The following FSTL5 variants were observed in gnomAD, a reference collection of about 807,000 sequenced individuals.
FSTL5 encodes the protein follistatin-related protein 5.
FSTL5 carries 62 observed loss-of-function variants against 89.1 expected under a neutral mutation model. The ratio of observed to expected loss-of-function variants is 0.70; its 90% CI spans 0.57 to 0.86. The LOEUF (loss-of-function observed/expected upper bound fraction) is 0.86, where lower values mean the gene tolerates loss of function less well. Ranked by LOEUF, FSTL5 falls within the 40% of genes least tolerant of loss-of-function variation. FSTL5 has a pLI of 0.00. For missense variants in FSTL5, 1,057 were observed against 1,001.6 expected (o/e 1.06, Z -0.75); for synonymous variants, 383 against 346.2 (o/e 1.11, Z -1.18).
At chr4:161,549,058 T>C (rs1183211383) in intron 8 of FSTL5, among the ~76,000 whole-genome samples, 2 of 151,764 alleles carry the variant, frequency 1.3e-5, no homozygotes, top group Non-Finnish European at 2.9e-5. Context: ...GAGAATAATA[T>C]TGTTTTTATG....
intron 7 of FSTL5, among the ~76,000 whole-genome samples, chr4:161,640,435 T>C (rs1388603533): frequency 6.6e-6 from 1 of 152,102 alleles, no homozygotes; most frequent in Non-Finnish European, 1.5e-5. Flanking sequence ...AAGAAAAGCA[T>C]GTATAAACAA....
rs955525711 is a variant in FSTL5, at chr4:161,896,401, C to T, written c.409+24003G>A. On this transcript the variant is annotated intron_variant, in intron 4 of 15. Coordinates refer to ENST00000306100, the MANE Select transcript of FSTL5 (RefSeq NM_020116.5). The stretch of plus-strand genomic sequence containing the variant: ...GGTCATACTTTCCTTAATTTACCTA[C>T]ATCAATGTATTAATACTTTAGATGA... Among the ~76,000 whole-genome samples the T allele has an allele frequency of 4.2e-4, 64 of 152,126 alleles. 1 individual carries two copies. The highest frequency in any genetic ancestry group is 5.9e-5 in the Non-Finnish European group (4 of 68,006).
At chr4:161,735,201 A>C (rs1209101699) in intron 6 of FSTL5, among the ~76,000 whole-genome samples, 1 of 152,186 alleles carries the variant, frequency 6.6e-6, no homozygotes, top group African/African-American at 2.4e-5. Context: ...AGTTTATTAT[A>C]GAGGATATTA....
At chr4:161,640,439 T>A (rs1560764456) in intron 7 of FSTL5, among the ~76,000 whole-genome samples, 1 of 152,024 alleles carries the variant, frequency 6.6e-6, no homozygotes, top group Non-Finnish European at 1.5e-5. Context: ...AAAGCATGTA[T>A]AAACAAGCAT....
intron 3 of FSTL5, among the ~76,000 whole-genome samples, chr4:161,975,610 G>C (rs1407319468): frequency 6.6e-6 from 1 of 151,154 alleles, no homozygotes; most frequent in Non-Finnish European, 1.5e-5. Context: ...TGGTGGGGTG[G>C]GGGGAGTGGG....
intron 6 of FSTL5, among the ~76,000 whole-genome samples, chr4:161,681,356 CT>C (rs1464035264): frequency 6.6e-6 from 1 of 152,020 alleles, no homozygotes; most frequent in East Asian, 1.9e-4. Context: ...AACAGCATAA[CT>C]AGCATTTTGT....
intron 4 of FSTL5, among the ~76,000 whole-genome samples, chr4:161,807,872 T>C (rs761439879): frequency 2.0e-5 from 3 of 152,076 alleles, no homozygotes; most frequent in Non-Finnish European, 4.4e-5. Flanking sequence ...AAAATAGTGT[T>C]TGAAGTCCTA....
At chr4:161,540,844 A>G (rs12512822) in intron 9 of FSTL5, among the ~76,000 whole-genome samples, 14,467 of 152,150 alleles carry the variant, frequency 0.095, 950 homozygotes, top group East Asian at 0.32. Flanking sequence ...GTAAACACTT[A>G]TCAATGCCTT....
At chr4:161,555,551 G>A (rs1445953533) in intron 8 of FSTL5, among the ~76,000 whole-genome samples, 3 of 151,568 alleles carry the variant, frequency 2.0e-5, no homozygotes, top group Non-Finnish European at 4.4e-5. Context: ...TGAGGCAGGA[G>A]TTGTGTAGCT....
At chr4:161,436,219 C>T (rs1226699647) in intron 15 of FSTL5, among the ~76,000 whole-genome samples, 2 of 152,118 alleles carry the variant, frequency 1.3e-5, no homozygotes, top group South Asian at 4.1e-4. Context: ...GCCTTCAAGT[C>T]CCCGTAAAAG....
chr4:161,993,035 C>A (rs1257994750), intron 3 of FSTL5, among the ~76,000 whole-genome samples: 1 of 148,520 alleles, frequency 6.7e-6, no homozygotes, highest in Non-Finnish European at 1.5e-5. Flanking sequence ...TGTGGAGGGG[C>A]ATATTGTTTC....
At chr4:161,788,812 C>T (rs957102827) in intron 4 of FSTL5, among the ~76,000 whole-genome samples, 33 of 152,130 alleles carry the variant, frequency 2.2e-4, no homozygotes, top group African/African-American at 7.2e-4. Flanking sequence ...GTTGGAGGAT[C>T]GCTTGAGCCC....
chr4:161,748,521 T>C (rs1740279423), intron 6 of FSTL5, among the ~76,000 whole-genome samples: 1 of 151,816 alleles, frequency 6.6e-6, no homozygotes, highest in South Asian at 2.1e-4. Context: ...AAAACATTAA[T>C]CCATGTGGTA....
intron 7 of FSTL5, among the ~76,000 whole-genome samples, chr4:161,625,165 A>ATTTAT (rs1735271339): frequency 6.6e-6 from 1 of 152,144 alleles, no homozygotes; most frequent in Non-Finnish European, 1.5e-5. Context: ...TAAATTAACA[A>ATTTAT]TGTTTCTATA....
At chr4:161,560,850 C>T (rs952840056) in intron 8 of FSTL5, among the ~76,000 whole-genome samples, 6 of 152,070 alleles carry the variant, frequency 3.9e-5, no homozygotes, top group Admixed American at 2.0e-4. Context: ...TTACCGTTAA[C>T]ATTTTTTTAA....
rs141105413 is a variant in FSTL5 at position 161,776,037 on chromosome 4, T to A, written c.447A>T (p.Lys149Asn). The A allele has an allele frequency of 5.1e-4, 806 of 1,587,370 alleles. No homozygotes were observed. The highest frequency in any genetic ancestry group is 6.5e-4 in the Non-Finnish European group (753 of 1,160,818). The change falls in exon 5 of 16, where the codon AAA (lysine) becomes AAT (asparagine). Residue 149 changes from lysine (K) to asparagine (N), a missense_variant. Around this residue, in one of 3 missense-constraint regions of FSTL5, gnomAD observed 980 missense variants for 903.2 expected, o/e 1.08. Coordinates refer to ENST00000306100, the MANE Select transcript of FSTL5 (RefSeq NM_020116.5). ...KCKTTEYSKM[K>N]NMLLDLQNQK... Reference sequence around the variant, plus strand: ...GATTTTGTAAATCTAATAGCATATTTTTCATCTTGCTGTATTCAGTAGTCT... The same window carrying A: ...GATTTTGTAAATCTAATAGCATATTATTCATCTTGCTGTATTCAGTAGTCT...
chr4:161,772,394 G>C (rs1277687959), intron 5 of FSTL5, among the ~76,000 whole-genome samples: 1 of 152,028 alleles, frequency 6.6e-6, no homozygotes, highest in African/African-American at 2.4e-5. Context: ...AAATGATAAA[G>C]AGGAAGTCAA....
At chr4:161,474,587 T>C (rs538802582) in intron 13 of FSTL5, among the ~76,000 whole-genome samples, 1 of 149,390 alleles carries the variant, frequency 6.7e-6, no homozygotes, top group East Asian at 2.1e-4. Flanking sequence ...GCTCTCTCGC[T>C]CAGGCTGGAG....
At chr4:161,458,571 T>C (rs1418101505) in intron 14 of FSTL5, among the ~76,000 whole-genome samples, 1 of 152,186 alleles carries the variant, frequency 6.6e-6, no homozygotes, top group Non-Finnish European at 1.5e-5. Context: ...TTCAAGGCAG[T>C]AGCAAAATCG....
Sources: allele counts gnomAD v4.1 joint callset (sites outside exome capture counted in the v4.1 genomes callset), GRCh38; gene constraint gnomAD v4.1.1; regional missense constraint gnomAD v4.1.1; transcripts MANE v1.5; gene names NCBI Gene and HGNC (gene_info 2026-07-23, HGNC 2026-07-21).